DGKB: variants seen among roughly 807,000 people sequenced by gnomAD.
DGKB encodes the protein 90 kDa diacylglycerol kinase.
A neutral mutation model predicts 114.3 loss-of-function variants in DGKB; 67 were observed. The observed-to-expected ratio is 0.59, with a 90% confidence interval of 0.48 to 0.72. The LOEUF (loss-of-function observed/expected upper bound fraction) is 0.72, where lower values mean the gene tolerates loss of function less well. Ranked by LOEUF, DGKB falls within the 30% of genes least tolerant of loss-of-function variation. The pLI, the probability that DGKB is intolerant of heterozygous loss-of-function variation, is 0.00. For missense variants in DGKB, 907 were observed against 975.2 expected, an observed-to-expected ratio of 0.93 and a Z score of 0.93; for synonymous variants, 398 against 323.1, an observed-to-expected ratio of 1.23 and a Z score of -2.49.
chr7:14,868,080 C>G lies in DGKB; in HGVS notation c.-187-26630G>C, dbSNP rs780921208. On this transcript the variant is annotated intron_variant, in intron 1 of 25. Coordinates refer to ENST00000402815, the MANE Select transcript of DGKB (RefSeq NM_001350709.2). ...AATCCTAATTAACACCTCTGCGTCT[C>G]CATTTCATCATCAACATATGTCCAT... 2.0e-5 allele frequency among the ~76,000 whole-genome samples: 3 copies of G among 152,134 alleles called. 1 individual carries two copies. The highest frequency in any genetic ancestry group is 1.3e-4 in the Admixed American group (2 of 15,270).
intron 20 of DGKB, among the ~76,000 whole-genome samples, chr7:14,511,383 A>T (rs1306010257): frequency 6.6e-6 from 1 of 152,122 alleles, no homozygotes; most frequent in Non-Finnish European, 1.5e-5. Context: ...CTTTCCTTAA[A>T]ACTCAAGAAC....
At chr7:14,510,044 C>T (rs547916970) in intron 20 of DGKB, among the ~76,000 whole-genome samples, 1 of 152,012 alleles carries the variant, frequency 6.6e-6, no homozygotes, top group African/African-American at 2.4e-5. Context: ...GGCGTGGCGG[C>T]GGGCGCCTGT....
chr7:14,407,786 T>C (rs1189854716), intron 21 of DGKB, among the ~76,000 whole-genome samples: 4 of 152,060 alleles, frequency 2.6e-5, no homozygotes, highest in Non-Finnish European at 5.9e-5. Flanking sequence ...CTGTAAATCA[T>C]GTGCTTCAGT....
intron 1 of DGKB, among the ~76,000 whole-genome samples, chr7:14,911,270 A>T (rs1321859337): frequency 2.0e-5 from 3 of 152,168 alleles, no homozygotes; most frequent in Non-Finnish European, 2.9e-5. Context: ...CTGTATCAAT[A>T]AGTGTAGTTG....
At position 14,343,478 on chromosome 7, in the gene DGKB, T is replaced by C. The variant is rs141627848; in HGVS notation, c.1926+1823A>G. 4.1e-3 allele frequency among the ~76,000 whole-genome samples: 628 copies of C among 151,958 alleles called. 1 individual carries two copies. The highest frequency in any genetic ancestry group is 6.2e-3 in the Non-Finnish European group (424 of 67,872). On this transcript the variant is annotated intron_variant, in intron 22 of 25. Coordinates refer to ENST00000402815, the MANE Select transcript of DGKB (RefSeq NM_001350709.2). Reference sequence around the variant, plus strand: ...CATATTACAAATCACCGTTTTCAAATATATTTTCATTCAAAATCTTTTGCT... The same window carrying C: ...CATATTACAAATCACCGTTTTCAAACATATTTTCATTCAAAATCTTTTGCT...
chr7:14,393,269 G>C (rs1414243329), intron 21 of DGKB, among the ~76,000 whole-genome samples: 1 of 151,888 alleles, frequency 6.6e-6, no homozygotes, highest in Non-Finnish European at 1.5e-5. Flanking sequence ...GATTACAGGC[G>C]TGAGCCACCG....
At chr7:14,291,872 T>C (rs1028580772) in intron 23 of DGKB, among the ~76,000 whole-genome samples, 3 of 152,148 alleles carry the variant, frequency 2.0e-5, no homozygotes, top group Non-Finnish European at 2.9e-5. Flanking sequence ...CTAGTTGTCA[T>C]TTTAGACAAC....
chr7:14,399,305 T>C (rs1355507507), intron 21 of DGKB, among the ~76,000 whole-genome samples: 1 of 151,808 alleles, frequency 6.6e-6, no homozygotes, highest in African/African-American at 2.4e-5. Context: ...GCCACAACTT[T>C]TTGTATATGG....
intron 1 of DGKB, among the ~76,000 whole-genome samples, chr7:14,853,129 A>G (rs1420513070): frequency 6.6e-6 from 1 of 152,196 alleles, no homozygotes; most frequent in Non-Finnish European, 1.5e-5. Flanking sequence ...AAATTGCCTA[A>G]GGAAAATCAC....
intron 23 of DGKB, among the ~76,000 whole-genome samples, chr7:14,238,732 G>C (rs565978219): frequency 6.6e-6 from 1 of 152,072 alleles, no homozygotes; most frequent in South Asian, 2.1e-4. Context: ...TATGTGGGAT[G>C]TCTGGGTGGT....
chr7:14,336,434 TG>T (rs1168427924), intron 23 of DGKB, among the ~76,000 whole-genome samples: 1 of 152,226 alleles, frequency 6.6e-6, no homozygotes, highest in Non-Finnish European at 1.5e-5. Flanking sequence ...AACATACTTC[TG>T]TTTTTGCTCA....
intron 20 of DGKB, among the ~76,000 whole-genome samples, chr7:14,536,442 CAT>C (rs1393140595): frequency 6.6e-6 from 1 of 152,230 alleles, no homozygotes; most frequent in East Asian, 1.9e-4. Flanking sequence ...AGTTCAACAG[CAT>C]ATTAAAACAA....
At chr7:14,589,233 T>C (rs1444454656) in intron 17 of DGKB, among the ~76,000 whole-genome samples, 6 of 152,044 alleles carry the variant, frequency 3.9e-5, no homozygotes, top group Admixed American at 6.6e-5. Context: ...GTGTTATACA[T>C]TGATTTTATA....
At chr7:14,393,189 C>T (rs1482905452) in intron 21 of DGKB, among the ~76,000 whole-genome samples, 2 of 151,462 alleles carry the variant, frequency 1.3e-5, no homozygotes, top group African/African-American at 4.8e-5. Flanking sequence ...CGGGGTTTCA[C>T]CGTGTAAGCC....
At chr7:14,735,034 C>T (rs75372101) in intron 5 of DGKB, among the ~76,000 whole-genome samples, 4 of 152,130 alleles carry the variant, frequency 2.6e-5, no homozygotes, top group East Asian at 3.9e-4. Context: ...CGTTTCAGCC[C>T]GGTGGCGGTA....
intron 2 of DGKB, among the ~76,000 whole-genome samples, chr7:14,776,827 A>G (rs62448744): frequency 0.048 from 7,275 of 152,314 alleles, 268 homozygotes; most frequent in Middle Eastern, 0.12. Flanking sequence ...TGGAGCTGCG[A>G]GAAGTGTGCC....
At chr7:14,185,070 A>G (rs1490687985) in intron 23 of DGKB, among the ~76,000 whole-genome samples, 1 of 152,176 alleles carries the variant, frequency 6.6e-6, no homozygotes, top group Non-Finnish European at 1.5e-5. Flanking sequence ...AAATCGGTAA[A>G]GAGGAAGTAA....
At chr7:14,540,816 G>A (rs1461187742) in intron 20 of DGKB, among the ~76,000 whole-genome samples, 1 of 152,110 alleles carries the variant, frequency 6.6e-6, no homozygotes, top group Admixed American at 6.6e-5. Context: ...TGAATATATT[G>A]GCTGAGGGGA....
intron 23 of DGKB, among the ~76,000 whole-genome samples, chr7:14,227,632 C>T (rs1281591979): frequency 6.6e-6 from 1 of 151,922 alleles, no homozygotes; most frequent in Non-Finnish European, 1.5e-5. Context: ...AAGGAGGCAG[C>T]AATCTTGTTT....
Sources: allele counts gnomAD v4.1 joint callset (sites outside exome capture counted in the v4.1 genomes callset), GRCh38; gene constraint gnomAD v4.1.1; transcripts MANE v1.5; gene names NCBI Gene and HGNC (gene_info 2026-07-23, HGNC 2026-07-21).